The following IRF2 variants were observed in gnomAD, a reference collection of about 807,000 sequenced individuals.
IRF2 encodes the protein interferon regulatory factor 2.
Under a neutral mutation model 40.6 loss-of-function variants are expected in IRF2, and 15 were observed. The ratio of observed to expected loss-of-function variants is 0.37; its 90% CI spans 0.25 to 0.57. The LOEUF (loss-of-function observed/expected upper bound fraction) is 0.57, where lower values mean the gene tolerates loss of function less well. Ranked by LOEUF, IRF2 falls within the 20% of genes least tolerant of loss-of-function variation. The pLI, the probability that IRF2 is intolerant of heterozygous loss-of-function variation, is 0.77. For synonymous variants in IRF2, 151 were observed against 165.5 expected, an observed-to-expected ratio of 0.91 and a Z score of 0.67; for missense variants, 317 against 455.7, an observed-to-expected ratio of 0.70 and a Z score of 2.77.
chr4:184,391,928 C>T (rs909002722), intron 7 of IRF2, among the ~76,000 whole-genome samples: 7 of 152,166 alleles, frequency 4.6e-5, no homozygotes, highest in Non-Finnish European at 4.4e-5. Flanking sequence ...TGAGAGGGTA[C>T]ATGGGAAAGG....
At chr4:184,391,955 C>A (rs1736276986) in intron 7 of IRF2, among the ~76,000 whole-genome samples, 1 of 152,226 alleles carries the variant, frequency 6.6e-6, no homozygotes, top group Admixed American at 6.5e-5. Flanking sequence ...AAGGGCCTGG[C>A]ACACAGCACA....
At chr4:184,390,776 C>G (rs776858298) in intron 7 of IRF2, 27 bp from the exon 8 acceptor site, 1 of 1,613,340 alleles carries the variant, frequency 6.2e-7, no homozygotes, top group Non-Finnish European at 8.5e-7. Flanking sequence ...AAACACAGGG[C>G]CATCATTCCT....
intron 1 of IRF2, among the ~76,000 whole-genome samples, chr4:184,467,662 G>T (rs1220775204): frequency 6.6e-6 from 1 of 152,192 alleles, no homozygotes; most frequent in African/African-American, 2.4e-5. Flanking sequence ...TGTCTACAGA[G>T]TACTTCTTTG....
chr4:184,405,919 G>A (rs1027701078), intron 6 of IRF2, among the ~76,000 whole-genome samples: 3 of 152,170 alleles, frequency 2.0e-5, no homozygotes, highest in African/African-American at 7.2e-5. Flanking sequence ...CCTGGTGACT[G>A]AGGAGTGGCC....
At chr4:184,402,733 G>A (rs1736711460) in intron 6 of IRF2, among the ~76,000 whole-genome samples, 2 of 152,180 alleles carry the variant, frequency 1.3e-5, no homozygotes, top group African/African-American at 2.4e-5. Context: ...CTTCTGACAA[G>A]TGGACTCTTG....
chr4:184,398,830 C>T (rs1736564021), intron 7 of IRF2, 85 bp downstream of exon 7: 3 of 1,247,320 alleles, frequency 2.4e-6, no homozygotes, highest in African/African-American at 1.5e-5. Context: ...AGGGATGCTC[C>T]GTGGGGTGGT....
rs566866609 is a variant in IRF2 at position 184,408,017 on chromosome 4, C to G, written c.529+141G>C. The G allele has an allele frequency of 4.3e-5, 25 of 576,638 alleles. No homozygotes were observed. The African/African-American group carries it at 4.6e-4, about 11-fold the overall frequency. The allele number at this position is 576,638 out of a possible 1,614,324, so 35.7% of individuals were successfully genotyped here. ...AGCCTTCGTTTCTCAGCCTTGAAAT[C>G]TGGGGGCTGGAACTTGCATTCTGAG... is the stretch of plus-strand genomic sequence containing the variant. On this transcript the variant is annotated intron_variant, in intron 6 of 8. Coordinates refer to ENST00000393593, the MANE Select transcript of IRF2 (RefSeq NM_002199.4). This position sits in a 1 kb window ranked among gnomAD's most constrained non-coding sequence, Gnocchi z 4.9.
At chr4:184,405,192 C>A (rs556611403) in intron 6 of IRF2, among the ~76,000 whole-genome samples, 2 of 152,184 alleles carry the variant, frequency 1.3e-5, no homozygotes, top group African/African-American at 4.8e-5. Flanking sequence ...TGCAGTGAGC[C>A]GAGATTGTGC....
chr4:184,412,005 T>TAAAA (rs35183333), intron 5 of IRF2, among the ~76,000 whole-genome samples: 8 of 95,256 alleles, frequency 8.4e-5, no homozygotes, highest in African/African-American at 3.1e-4. Context: ...CTCCAAAGAT[T>TAAAA]AAAAAAAAAA....
At chr4:184,436,521 T>C (rs1481031012) in intron 1 of IRF2, among the ~76,000 whole-genome samples, 1 of 152,244 alleles carries the variant, frequency 6.6e-6, no homozygotes, top group Non-Finnish European at 1.5e-5. Flanking sequence ...AGTGTATTAT[T>C]AATTGCCAAC....
In IRF2 at chr4:184,388,902, G is replaced by A. The variant is rs760310231; in HGVS notation, c.906C>T (p.Asn302=). The A allele has an allele frequency of 1.9e-6, 3 of 1,614,128 alleles. No individual in the cohort carries two copies. The highest frequency in any genetic ancestry group is 2.5e-6 in the Non-Finnish European group (3 of 1,180,028). The stretch of plus-strand genomic sequence containing the variant: ...GGTCTTGAAAAGGGGGCCAGGAGCT[G>A]TTGTAAGGCACCGGATTGCTCTCCT... ...IKEESNPVPY[N]SSWPPFQDLP... The change falls in exon 9 of 9, where the codon AAC becomes AAT. Residue 302 remains asparagine (N), a synonymous_variant. Transcript: ENST00000393593. The surrounding 1 kb of genome is among the most constrained non-coding windows in gnomAD (Gnocchi z 4.6).
intron 1 of IRF2, among the ~76,000 whole-genome samples, chr4:184,459,510 A>G (rs1193053505): frequency 1.3e-5 from 2 of 152,230 alleles, no homozygotes; most frequent in Non-Finnish European, 2.9e-5. Context: ...TTAATTCCTC[A>G]AAGTGTGCTT....
At chr4:184,390,894 A>C (rs1736237759) in intron 7 of IRF2, 145 bp from the exon 8 acceptor site, 1 of 812,422 alleles carries the variant, frequency 1.2e-6, no homozygotes, top group Non-Finnish European at 2.0e-6. Context: ...ACATGGGAGA[A>C]GCTAGAGTGA....
chr4:184,396,770 C>T (rs1048956290), intron 7 of IRF2, among the ~76,000 whole-genome samples: 1 of 152,070 alleles, frequency 6.6e-6, no homozygotes, highest in African/African-American at 2.4e-5. Flanking sequence ...GATGACGATA[C>T]CCAGGCTGAC....
At chr4:184,423,129 A>C (rs1737540811) in intron 2 of IRF2, among the ~76,000 whole-genome samples, 1 of 152,214 alleles carries the variant, frequency 6.6e-6, no homozygotes, top group Admixed American at 6.5e-5. Context: ...TCTGGTCACA[A>C]GTTGTGTGTT....
At chr4:184,466,799 C>T (rs552453199) in intron 1 of IRF2, among the ~76,000 whole-genome samples, 1 of 152,344 alleles carries the variant, frequency 6.6e-6, no homozygotes, top group African/African-American at 2.4e-5. Context: ...ATGGTATAAC[C>T]TCCTACACAC....
At position 184,409,950 on chromosome 4, in the gene IRF2, C is replaced by CA. The variant is rs200206058; in HGVS notation, c.412-1676dup. On this transcript the variant is annotated intron_variant, in intron 5 of 8. Coordinates refer to ENST00000393593, the MANE Select transcript of IRF2 (RefSeq NM_002199.4). ...CCTTCTGAAAACAAAAAACAAAAAA[C>CA]AAAAAAAACCCACTTGCCTGTGACC... 4.8e-3 allele frequency among the ~76,000 whole-genome samples: 725 copies of CA among 150,656 alleles called. 5 individuals are homozygous for CA. Among genetic ancestry groups the CA allele is most frequent in the Admixed American group, 0.01 (156 of 15,152 alleles).
intron 5 of IRF2, among the ~76,000 whole-genome samples, chr4:184,414,091 T>A (rs2149898479): frequency 6.6e-6 from 1 of 152,336 alleles, no homozygotes; most frequent in African/African-American, 2.4e-5. Flanking sequence ...AGCTTCTCTG[T>A]GCACCCATTT....
intron 1 of IRF2, among the ~76,000 whole-genome samples, chr4:184,473,029 G>GC (rs1028101879): frequency 6.6e-6 from 1 of 152,144 alleles, no homozygotes; most frequent in Non-Finnish European, 1.5e-5. Flanking sequence ...GGCTTCCCCA[G>GC]CCCCGGCGGA....
Sources: gnomAD v4.1 joint callset for allele counts (sites outside exome capture counted in the v4.1 genomes callset) on GRCh38, gnomAD v4.1.1 for gene constraint, Gnocchi (gnomAD v3.1) non-coding constraint, MANE v1.5 for transcripts, NCBI Gene and HGNC (gene_info 2026-07-23, HGNC 2026-07-21) for gene names.